Variants in DOK6 observed in about 807,000 individuals in gnomAD.
DOK6 encodes the protein downstream of tyrosine kinase 6.
A neutral mutation model predicts 44.0 loss-of-function variants in DOK6; 22 were observed. The observed-to-expected ratio is 0.50, with a 90% CI of 0.36 to 0.71. The LOEUF is 0.71. Ranked by LOEUF, DOK6 falls within the 30% of genes least tolerant of loss-of-function variation. DOK6 has a pLI of 0.00. For synonymous variants in DOK6, 166 were observed against 145.5 expected (o/e 1.14, Z -1.01); for missense variants, 340 against 416.4 (o/e 0.82, Z 1.60).
At position 69,779,511 on chromosome 18, in the gene DOK6, T is replaced by C. The variant is rs540856438; in HGVS notation, c.856+21638T>C. 2.0e-5 allele frequency among the ~76,000 whole-genome samples: 3 copies of C among 152,062 alleles called. No homozygotes were observed. The East Asian group carries it at 5.8e-4, about 29-fold the overall frequency. On this transcript the variant is annotated intron_variant, in intron 7 of 7. Coordinates refer to ENST00000382713, the MANE Select transcript of DOK6 (RefSeq NM_152721.6). ...TGTTTCTGGCAAGAAATGTCAGTGT[T>C]GTTATGCTTGCTATTTATTAAATTC...
intron 2 of DOK6, among the ~76,000 whole-genome samples, chr18:69,566,693 C>T (rs530267690): frequency 8.5e-5 from 13 of 152,228 alleles, no homozygotes; most frequent in African/African-American, 2.2e-4. Flanking sequence ...GTGGAAAAGA[C>T]GCAAATACAC....
At chr18:69,640,824 T>C (rs1984921293) in intron 3 of DOK6, among the ~76,000 whole-genome samples, 1 of 152,168 alleles carries the variant, frequency 6.6e-6, no homozygotes, top group African/African-American at 2.4e-5. Flanking sequence ...ATTTATTGCT[T>C]AATAGTGGAC....
At chr18:69,402,062 A>G (rs1231156569) in intron 1 of DOK6, among the ~76,000 whole-genome samples, 1 of 152,128 alleles carries the variant, frequency 6.6e-6, no homozygotes, top group Non-Finnish European at 1.5e-5. Context: ...GACTCACGGG[A>G]GGCAGCGGGA....
Position 69,401,149 on chromosome 18 carries a change from C to A in DOK6, c.-96C>A. On this transcript the variant is annotated 5_prime_UTR_variant, in exon 1 of 8. Coordinates refer to ENST00000382713, the MANE Select transcript of DOK6 (RefSeq NM_152721.6). ...CGGCGGCGCTGCTGCTGGCGGCGGCCGGCTGGATGCGAGACCCGCGCAGAC... is the reference window on the plus strand; with the variant it reads ...CGGCGGCGCTGCTGCTGGCGGCGGCAGGCTGGATGCGAGACCCGCGCAGAC... 2 of 1,266,512 alleles carry A rather than the reference C, an allele frequency of 1.6e-6. No individual in the cohort carries two copies. Among genetic ancestry groups the A allele is most frequent in the Non-Finnish European group, 2.0e-6 (2 of 978,810 alleles). The allele number at this position is 1,266,512 out of a possible 1,614,324, so 78.5% of individuals were successfully genotyped here.
At chr18:69,695,426 G>A (rs188639744) in intron 4 of DOK6, among the ~76,000 whole-genome samples, 89 of 152,282 alleles carry the variant, frequency 5.8e-4, no homozygotes, top group African/African-American at 1.9e-3. Flanking sequence ...GATTTAAAAC[G>A]CCTGCTTGAT....
intron 1 of DOK6, among the ~76,000 whole-genome samples, chr18:69,559,276 G>A (rs1373468344): frequency 6.6e-6 from 1 of 151,918 alleles, no homozygotes; most frequent in African/African-American, 2.4e-5. Context: ...GCAAGTATGT[G>A]TATTTACATA....
rs1491072109 is a variant in DOK6, at chr18:69,762,147, ATG to A, written c.856+4275_856+4276del. On this transcript the variant is annotated intron_variant, in intron 7 of 7. Transcript: ENST00000382713. ...CAATATAGTGAGACTCCATCTCTGC[ATG>A]CATACATACATACATACATACATAC... Among the ~76,000 whole-genome samples, 363 of 86,566 alleles carry A rather than the reference ATG, an allele frequency of 4.2e-3. 3 individuals carry two copies. Among genetic ancestry groups the A allele is most frequent in the Non-Finnish European group, 6.7e-3 (265 of 39,774 alleles). The allele number at this position is 86,566 out of a possible 152,430, so 56.8% of individuals were successfully genotyped here. A position where few individuals can be genotyped will look rare whatever the true frequency, so the allele number is the denominator to read the frequency against.
chr18:69,778,361 AG>A (rs1225036720), intron 7 of DOK6, among the ~76,000 whole-genome samples: 1 of 150,080 alleles, frequency 6.7e-6, no homozygotes, highest in Non-Finnish European at 1.5e-5. Flanking sequence ...ATTTGAGGAA[AG>A]TATGAAACAA....
chr18:69,639,471 C>T (rs1322937257), intron 3 of DOK6, among the ~76,000 whole-genome samples: 1 of 152,182 alleles, frequency 6.6e-6, no homozygotes, highest in Non-Finnish European at 1.5e-5. Flanking sequence ...CACCTGCCTT[C>T]TCTATAAAGT....
intron 1 of DOK6, among the ~76,000 whole-genome samples, chr18:69,515,429 C>A (rs17081109): frequency 0.2 from 29,912 of 152,026 alleles, 3,167 homozygotes; most frequent in African/African-American, 0.24. Context: ...ACTGTTGCTT[C>A]GTCGGTCATC....
At chr18:69,770,015 T>C (rs934538970) in intron 7 of DOK6, among the ~76,000 whole-genome samples, 5 of 152,164 alleles carry the variant, frequency 3.3e-5, no homozygotes, top group Non-Finnish European at 5.9e-5. Flanking sequence ...CAACCTTCTA[T>C]GAACAAGATA....
chr18:69,481,943 T>C (rs1263671964), intron 1 of DOK6, among the ~76,000 whole-genome samples: 1 of 152,236 alleles, frequency 6.6e-6, no homozygotes, highest in Non-Finnish European at 1.5e-5. Flanking sequence ...TATCTCATTG[T>C]GGTTTTGATT....
chr18:69,837,892 C>T (rs1053536496), intron 7 of DOK6, among the ~76,000 whole-genome samples: 1 of 152,144 alleles, frequency 6.6e-6, no homozygotes, highest in Non-Finnish European at 1.5e-5. Context: ...TCCTCTGTGA[C>T]CCTGTATAGC....
intron 1 of DOK6, among the ~76,000 whole-genome samples, chr18:69,446,769 T>A (rs1283238962): frequency 6.6e-6 from 1 of 152,210 alleles, no homozygotes; most frequent in African/African-American, 2.4e-5. Flanking sequence ...TGAGATGGTA[T>A]CTCATTGTGG....
chr18:69,622,765 T>C (rs969258071), intron 3 of DOK6, among the ~76,000 whole-genome samples: 10 of 152,202 alleles, frequency 6.6e-5, no homozygotes, highest in African/African-American at 2.2e-4. Flanking sequence ...AATATTATTA[T>C]TGTCTAAGGC....
intron 3 of DOK6, among the ~76,000 whole-genome samples, chr18:69,607,199 C>G (rs963459910): frequency 1.3e-5 from 2 of 152,202 alleles, no homozygotes; most frequent in Non-Finnish European, 2.9e-5. Flanking sequence ...CAAGCCAACC[C>G]CCTTACCCCC....
At chr18:69,521,358 A>G (rs993783207) in intron 1 of DOK6, among the ~76,000 whole-genome samples, 1 of 151,852 alleles carries the variant, frequency 6.6e-6, no homozygotes, top group African/African-American at 2.4e-5. Context: ...AACCAATCAA[A>G]TCAAGTGACA....
At chr18:69,608,266 A>G (rs140695207) in intron 3 of DOK6, among the ~76,000 whole-genome samples, 1 of 152,338 alleles carries the variant, frequency 6.6e-6, no homozygotes, top group Non-Finnish European at 1.5e-5. Flanking sequence ...TGAATAGCTT[A>G]TTCTTTGACC....
chr18:69,479,755 G>A (rs1227814891), intron 1 of DOK6, among the ~76,000 whole-genome samples: 4 of 152,128 alleles, frequency 2.6e-5, no homozygotes, highest in African/African-American at 4.8e-5. Flanking sequence ...CAGAAAAAAG[G>A]TATTTAACAC....
Sources: gnomAD v4.1 joint callset for allele counts (sites outside exome capture counted in the v4.1 genomes callset) on GRCh38, gnomAD v4.1.1 for gene constraint, MANE v1.5 for transcripts, NCBI Gene and HGNC (gene_info 2026-07-23, HGNC 2026-07-21) for gene names.